EPM2A: variants seen among roughly 807,000 people sequenced by gnomAD.
EPM2A encodes the protein EPM2A glucan phosphatase, laforin.
In EPM2A, 21 loss-of-function variants were observed where a neutral mutation model predicts 26.5. The observed-to-expected ratio is 0.79, with a 90% confidence interval of 0.56 to 1.14. The LOEUF (loss-of-function observed/expected upper bound fraction) is 1.14. Among genes scored for constraint, EPM2A ranks in the 50% most tolerant of loss-of-function variants. The pLI, the probability that EPM2A is intolerant of heterozygous loss-of-function variation, is 0.00. For synonymous variants in EPM2A, 217 were observed against 177.6 expected (o/e 1.22, Z -1.76); for missense variants, 458 against 440.8 (o/e 1.04, Z -0.35).
chr6:145,598,098 A>AT (rs1781372294), intron 2 of EPM2A, among the ~76,000 whole-genome samples: 1 of 152,118 alleles, frequency 6.6e-6, no homozygotes, highest in Non-Finnish European at 1.5e-5. Flanking sequence ...AAGTAATGGG[A>AT]TTGCTGGGTC....
chr6:145,451,278 C>T (rs187305272), intron 4 of EPM2A, among the ~76,000 whole-genome samples: 12 of 152,244 alleles, frequency 7.9e-5, no homozygotes, highest in African/African-American at 2.9e-4. Flanking sequence ...GTATTACTTG[C>T]TGCATCACTA....
chr6:145,491,486 A>T (rs368744), intron 4 of EPM2A, among the ~76,000 whole-genome samples: 1 of 151,934 alleles, frequency 6.6e-6, no homozygotes, highest in Non-Finnish European at 1.5e-5. Context: ...AAGTCAAGCT[A>T]CTTCTCTCTG....
chr6:145,727,152 A>G (rs924420469), intron 1 of EPM2A, among the ~76,000 whole-genome samples: 1 of 152,174 alleles, frequency 6.6e-6, no homozygotes, highest in Non-Finnish European at 1.5e-5. Context: ...ACTATCAATA[A>G]CTGTTAGAAA....
chr6:145,687,706 C>T (rs568546924), intron 1 of EPM2A, among the ~76,000 whole-genome samples: 1 of 152,256 alleles, frequency 6.6e-6, no homozygotes, highest in South Asian at 2.1e-4. Context: ...GGCGTAAGCT[C>T]TCAAAAAATC....
rs1249562420 is a variant in EPM2A, at chr6:145,625,526, T to G, written c.*1890A>C. ...CTGGATTTCTTAGACATTAAAGAAA[T>G]TCACAGACCCACATAGTTTAAAAAT... is the stretch of plus-strand genomic sequence containing the variant. On this transcript the variant is annotated 3_prime_UTR_variant, in exon 4 of 4. Coordinates refer to ENST00000367519, the MANE Select transcript of EPM2A (RefSeq NM_005670.4). 1.8e-5 allele frequency: 10 copies of G among 571,126 alleles called. No individual in the cohort carries two copies. The highest frequency in any genetic ancestry group is 3.1e-5 in the Non-Finnish European group (10 of 320,104). 35.4% of individuals were successfully genotyped at this position (571,126 alleles called of 1,614,324 possible).
chr6:145,513,523 G>A (rs1392410903), intron 2 of EPM2A, among the ~76,000 whole-genome samples: 2 of 152,168 alleles, frequency 1.3e-5, no homozygotes, highest in African/African-American at 4.8e-5. Context: ...AGAACTATTA[G>A]ATCCAGCAAC....
intron 4 of EPM2A, chr6:145,490,179 G>T: frequency 9.8e-7 from 1 of 1,022,414 alleles, no homozygotes; most frequent in Non-Finnish European, 1.5e-6. Context: ...ATTACTAGAC[G>T]CTCTGAAATA....
intron 2 of EPM2A, among the ~76,000 whole-genome samples, chr6:145,613,048 T>C (rs1396231650): frequency 6.6e-6 from 1 of 152,204 alleles, no homozygotes; most frequent in Non-Finnish European, 1.5e-5. Flanking sequence ...GATCACATTT[T>C]ACCCAAAGCA....
chr6:145,712,168 T>G (rs1462493579), intron 1 of EPM2A, among the ~76,000 whole-genome samples: 1 of 152,110 alleles, frequency 6.6e-6, no homozygotes, highest in African/African-American at 2.4e-5. Context: ...AGATAATTCA[T>G]TTTAAGAAGG....
At chr6:145,599,175 T>C (rs528608259) in intron 2 of EPM2A, among the ~76,000 whole-genome samples, 11 of 152,324 alleles carry the variant, frequency 7.2e-5, no homozygotes, top group African/African-American at 2.6e-4. Context: ...AGGAATAGCA[T>C]TGAATCTATA....
At chr6:145,632,297 A>G (rs1223446156) in intron 3 of EPM2A, 6 of 152,246 alleles carry the variant, frequency 3.9e-5, no homozygotes, top group Non-Finnish European at 7.3e-5. Context: ...AGACTTTGAC[A>G]ACAGAGGGGT....
intron 1 of EPM2A, among the ~76,000 whole-genome samples, chr6:145,717,932 A>G (rs1286948766): frequency 1.3e-5 from 2 of 151,760 alleles, no homozygotes; most frequent in Non-Finnish European, 2.9e-5. Flanking sequence ...GACCTCTTCA[A>G]GGAGAACTAC....
intron 1 of EPM2A, among the ~76,000 whole-genome samples, chr6:145,697,298 G>C (rs1383327377): frequency 6.6e-6 from 1 of 152,006 alleles, no homozygotes. Flanking sequence ...AAAAGGGGAG[G>C]GAGTGTACCA....
chr6:145,669,934 A>T (rs1337899083), intron 2 of EPM2A, among the ~76,000 whole-genome samples: 1 of 151,966 alleles, frequency 6.6e-6, no homozygotes, highest in Non-Finnish European at 1.5e-5. Flanking sequence ...TTCCTATTTC[A>T]CTGAGAAAAG....
At chr6:145,617,739 G>A (rs1205529254) in intron 2 of EPM2A, among the ~76,000 whole-genome samples, 2 of 152,122 alleles carry the variant, frequency 1.3e-5, no homozygotes, top group Non-Finnish European at 2.9e-5. Flanking sequence ...AGGAGTTTGA[G>A]ACCAGCCTGG....
At chr6:145,408,919 A>G (rs1033102546) in intron 4 of EPM2A, among the ~76,000 whole-genome samples, 3 of 152,076 alleles carry the variant, frequency 2.0e-5, no homozygotes, top group African/African-American at 7.2e-5. Flanking sequence ...TCATCTCCCA[A>G]AGGTCTTCCC....
chr6:145,590,737 C>G (rs1781262489), intron 2 of EPM2A, among the ~76,000 whole-genome samples: 1 of 152,090 alleles, frequency 6.6e-6, no homozygotes, highest in Admixed American at 6.6e-5. Context: ...ATCCTACCTC[C>G]TGGTCAGATT....
intron 2 of EPM2A, among the ~76,000 whole-genome samples, chr6:145,549,494 G>A (rs1009973183): frequency 1.3e-5 from 2 of 152,104 alleles, no homozygotes; most frequent in African/African-American, 4.8e-5. Context: ...TCATGAGGCA[G>A]AACTGAGGAG....
intron 1 of EPM2A, among the ~76,000 whole-genome samples, chr6:145,725,164 A>C (rs778347762): frequency 9.2e-5 from 14 of 152,104 alleles, no homozygotes; most frequent in Non-Finnish European, 1.8e-4. Flanking sequence ...CACCCAAAGA[A>C]TATATACAGA....
Sources: allele counts gnomAD v4.1 joint callset (sites outside exome capture counted in the v4.1 genomes callset), GRCh38; gene constraint gnomAD v4.1.1; transcripts MANE v1.5; gene names NCBI Gene and HGNC (gene_info 2026-07-23, HGNC 2026-07-21).